The following KCTD16 variants were observed in gnomAD, a reference collection of about 807,000 sequenced individuals.
KCTD16 encodes potassium channel tetramerization domain containing 16, also known as BTB/POZ domain-containing protein KCTD16.
KCTD16 carries 13 observed loss-of-function variants against 33.2 expected under a neutral mutation model. That is an observed-to-expected ratio of 0.39 (90% confidence interval 0.25 to 0.62). The LOEUF (loss-of-function observed/expected upper bound fraction) is 0.62. KCTD16 is among the 20% of genes least tolerant of loss of function. The probability of loss-of-function intolerance (pLI) is 0.50; values close to 1 mark genes in which losing one functional copy is unlikely to be tolerated. For synonymous variants in KCTD16, 197 were observed against 195.3 expected (o/e 1.01, Z -0.07); for missense variants, 441 against 525.1 (o/e 0.84, Z 1.57).
chr5:144,318,889 A>G (rs1173876031), intron 3 of KCTD16, among the ~76,000 whole-genome samples: 1 of 152,208 alleles, frequency 6.6e-6, no homozygotes, highest in Non-Finnish European at 1.5e-5. Flanking sequence ...AAACTGGCAT[A>G]TAAAACTTGT....
At chr5:144,191,502 C>A (rs1043940979) in intron 2 of KCTD16, among the ~76,000 whole-genome samples, 1 of 152,144 alleles carries the variant, frequency 6.6e-6, no homozygotes, top group African/African-American at 2.4e-5. Context: ...TACATAGAAC[C>A]TTTAGCTTCT....
intron 3 of KCTD16, among the ~76,000 whole-genome samples, chr5:144,317,499 C>T (rs2126882170): frequency 6.6e-6 from 1 of 152,262 alleles, no homozygotes; most frequent in Non-Finnish European, 1.5e-5. Flanking sequence ...AATTTGTGAA[C>T]CATTGGTCAA....
At chr5:144,428,731 A>T (rs1309627695) in intron 3 of KCTD16, among the ~76,000 whole-genome samples, 1 of 152,212 alleles carries the variant, frequency 6.6e-6, no homozygotes. Flanking sequence ...GGTGTCCTCC[A>T]GAGGGAGGTA....
intron 3 of KCTD16, among the ~76,000 whole-genome samples, chr5:144,217,185 A>G (rs1453960537): frequency 6.6e-6 from 1 of 152,236 alleles, no homozygotes; most frequent in East Asian, 1.9e-4. Flanking sequence ...CTGGTCAGGC[A>G]TCAGTGCTAA....
At chr5:144,467,073 A>T (rs1209841698) in intron 3 of KCTD16, among the ~76,000 whole-genome samples, 6 of 131,274 alleles carry the variant, frequency 4.6e-5, no homozygotes, top group South Asian at 2.2e-4. Flanking sequence ...ATTATATATA[A>T]TATATATAGT....
At position 144,476,003 on chromosome 5, in the gene KCTD16, G is replaced by C. The variant is rs549249882; in HGVS notation, c.*1889G>C. On this transcript the variant is annotated 3_prime_UTR_variant, in exon 4 of 4. Transcript: ENST00000512467. ...AGAGAATTATAATTTATGAATTTAA[G>C]TGGTATTCTTTTCTGTATTAATATA... is the stretch of plus-strand genomic sequence containing the variant. The C allele has an allele frequency of 2.6e-5, 4 of 152,296 alleles. No individual in the cohort carries two copies. In the South Asian group the frequency reaches 8.3e-4, roughly 32 times the overall value. 9.4% of individuals were successfully genotyped at this position (152,296 alleles called of 1,614,324 possible). A position where few individuals can be genotyped will look rare whatever the true frequency, so the allele number is the denominator to read the frequency against.
At chr5:144,278,640 G>T (rs951545665) in intron 3 of KCTD16, among the ~76,000 whole-genome samples, 4 of 151,564 alleles carry the variant, frequency 2.6e-5, no homozygotes, top group African/African-American at 7.3e-5. Flanking sequence ...TGGGACTACA[G>T]GCGCCCGCCA....
chr5:144,477,670 G>T lies in KCTD16; in HGVS notation c.*3556G>T, dbSNP rs2127005389. The stretch of plus-strand genomic sequence containing the variant: ...CATGTTACAATGAGACAAAAGGAAG[G>T]CATGTATGGTGTTTTGTAAAATTAC... On this transcript the variant is annotated 3_prime_UTR_variant, in exon 4 of 4. Coordinates refer to ENST00000512467, the MANE Select transcript of KCTD16 (RefSeq NM_020768.4). The T allele has an allele frequency of 6.6e-6, 1 of 152,184 alleles. No individual in the cohort carries two copies. Among genetic ancestry groups the T allele is most frequent in the Admixed American group, 6.5e-5 (1 of 15,282 alleles). The allele number at this position is 152,184 out of a possible 1,614,324, so 9.4% of individuals were successfully genotyped here. A position where few individuals can be genotyped will look rare whatever the true frequency, so the allele number is the denominator to read the frequency against.
At chr5:144,445,298 ATCTTC>A (rs1333719456) in intron 3 of KCTD16, among the ~76,000 whole-genome samples, 1 of 151,974 alleles carries the variant, frequency 6.6e-6, no homozygotes, top group African/African-American at 2.4e-5. Flanking sequence ...CTAAATCTGA[ATCTTC>A]TCTAATTCCA....
At chr5:144,379,192 C>G (rs567866589) in intron 3 of KCTD16, among the ~76,000 whole-genome samples, 1 of 152,282 alleles carries the variant, frequency 6.6e-6, no homozygotes, top group African/African-American at 2.4e-5. Flanking sequence ...AAGGTTTTCC[C>G]ATTTTTATGC....
chr5:144,287,662 G>T (rs1755782197), intron 3 of KCTD16, among the ~76,000 whole-genome samples: 1 of 152,062 alleles, frequency 6.6e-6, no homozygotes, highest in African/African-American at 2.4e-5. Flanking sequence ...TTGAGACTGA[G>T]TTTCACTCTT....
intron 3 of KCTD16, among the ~76,000 whole-genome samples, chr5:144,340,608 G>A (rs188444772): frequency 6.6e-6 from 1 of 152,066 alleles, no homozygotes; most frequent in East Asian, 1.9e-4. Flanking sequence ...TAGGAGGTAG[G>A]GTCTTTGGGG....
intron 3 of KCTD16, among the ~76,000 whole-genome samples, chr5:144,343,878 G>C (rs1752712479): frequency 6.6e-6 from 1 of 152,110 alleles, no homozygotes; most frequent in African/African-American, 2.4e-5. Context: ...TTTCCATGTA[G>C]TAAAGCGGTT....
intron 3 of KCTD16, among the ~76,000 whole-genome samples, chr5:144,216,268 C>T (rs1056269851): frequency 5.9e-5 from 9 of 152,172 alleles, no homozygotes; most frequent in Non-Finnish European, 1.3e-4. Flanking sequence ...TTGCTTCACA[C>T]TGTGAGTAGC....
chr5:144,207,260 A>C lies in KCTD16; in HGVS notation c.546A>C (p.Ala182=). ...GCACCTTGGGCAGAGAGGGACAGGCAGATGCCAAGTTTCGGAGAGTTCCCC... is the reference window on the plus strand; with the variant it reads ...GCACCTTGGGCAGAGAGGGACAGGCCGATGCCAAGTTTCGGAGAGTTCCCC... ...GSCTLGREGQ[A]DAKFRRVPRI... Residue 182 remains alanine, a synonymous_variant, in exon 3 of 4, where the codon GCA becomes GCC. Transcript: ENST00000512467. The C allele has an allele frequency of 6.2e-7, 1 of 1,614,222 alleles. No homozygotes were observed. The highest frequency in any genetic ancestry group is 1.1e-5 in the South Asian group (1 of 91,084).
intron 3 of KCTD16, among the ~76,000 whole-genome samples, chr5:144,315,714 G>C (rs1164341133): frequency 6.6e-6 from 1 of 152,050 alleles, no homozygotes; most frequent in Non-Finnish European, 1.5e-5. Flanking sequence ...ATGCCATGCA[G>C]GTAGTAAGTA....
At chr5:144,382,438 C>A (rs560001412) in intron 3 of KCTD16, among the ~76,000 whole-genome samples, 3 of 152,180 alleles carry the variant, frequency 2.0e-5, no homozygotes, top group African/African-American at 7.2e-5. Flanking sequence ...GCTCAGACAT[C>A]AGCACCTCCA....
intron 2 of KCTD16, among the ~76,000 whole-genome samples, chr5:144,186,621 G>T (rs997896035): frequency 2.0e-5 from 3 of 152,132 alleles, no homozygotes; most frequent in Non-Finnish European, 2.9e-5. Context: ...TTTAAACAAG[G>T]CCAAACTGTT....
chr5:144,242,660 G>T (rs1754436948), intron 3 of KCTD16, among the ~76,000 whole-genome samples: 1 of 152,142 alleles, frequency 6.6e-6, no homozygotes, highest in Admixed American at 6.6e-5. Context: ...TTATGATTGG[G>T]TATATGCATT....
Sources: allele counts gnomAD v4.1 joint callset (sites outside exome capture counted in the v4.1 genomes callset), GRCh38; gene constraint gnomAD v4.1.1; transcripts MANE v1.5; gene names NCBI Gene and HGNC (gene_info 2026-07-23, HGNC 2026-07-21).